The following PPP2R5A variants were observed in gnomAD, a reference collection of about 807,000 sequenced individuals.
PPP2R5A encodes the protein serine/threonine-protein phosphatase 2A 56 kDa regulatory subunit alpha isoform.
PPP2R5A carries 25 observed loss-of-function variants against 64.2 expected under a neutral mutation model. That is an observed-to-expected ratio of 0.39 (90% CI 0.28 to 0.54). The LOEUF is 0.54. PPP2R5A is among the 20% of genes least tolerant of loss of function. The pLI is 0.67. For missense variants in PPP2R5A, 425 were observed against 576.3 expected (o/e 0.74, Z 2.69); for synonymous variants, 198 against 201.2 (o/e 0.98, Z 0.13).
chr1:212,309,485 G>GAAGCTCCTGCCCCTTCTAAA, intron 1 of PPP2R5A: 1 of 797,616 alleles, frequency 1.3e-6, no homozygotes, highest in Non-Finnish European at 2.2e-6. Flanking sequence ...GCTTTAGAAG[G>GAAGCTCCTGCCCCTTCTAAA]GGCAGGAGCT....
At chr1:212,340,789 G>A (rs2102439863) in intron 3 of PPP2R5A, among the ~76,000 whole-genome samples, 1 of 152,314 alleles carries the variant, frequency 6.6e-6, no homozygotes, top group East Asian at 1.9e-4. Flanking sequence ...TTTGTTAGCT[G>A]TAGACTGTTA....
At chr1:212,334,826 T>G (rs897186857) in intron 3 of PPP2R5A, among the ~76,000 whole-genome samples, 2 of 152,214 alleles carry the variant, frequency 1.3e-5, no homozygotes, top group Admixed American at 1.3e-4. Context: ...GTTATCTCTT[T>G]AAGTTTTGTC....
chr1:212,306,484 CTATT>C (rs1658906414), intron 1 of PPP2R5A, among the ~76,000 whole-genome samples: 1 of 152,034 alleles, frequency 6.6e-6, no homozygotes, highest in Non-Finnish European at 1.5e-5. Flanking sequence ...ATATATATAT[CTATT>C]TAAGATATGA....
intron 3 of PPP2R5A, among the ~76,000 whole-genome samples, chr1:212,340,675 A>G (rs1367086413): frequency 6.6e-6 from 1 of 152,322 alleles, no homozygotes; most frequent in East Asian, 1.9e-4. Flanking sequence ...ATTTATGATA[A>G]ACACAAAATG....
intron 11 of PPP2R5A, 95 bp from the exon 12 acceptor site, chr1:212,358,591 A>G (rs1254858120): frequency 1.2e-6 from 1 of 848,332 alleles, no homozygotes; most frequent in Non-Finnish European, 1.8e-6. Context: ...ATTAAATGAA[A>G]TCAGCCAAGC....
intron 8 of PPP2R5A, among the ~76,000 whole-genome samples, chr1:212,350,741 A>T (rs1400629841): frequency 6.6e-6 from 1 of 152,172 alleles, no homozygotes; most frequent in Non-Finnish European, 1.5e-5. Context: ...ATAATAACAC[A>T]TATTGAAAAG....
At chr1:212,326,359 C>T (rs890889413) in intron 1 of PPP2R5A, among the ~76,000 whole-genome samples, 1 of 151,392 alleles carries the variant, frequency 6.6e-6, no homozygotes, top group African/African-American at 2.4e-5. Context: ...TTTGGGAGGC[C>T]GAGGCAGGCG....
chr1:212,317,901 G>A (rs985456163), intron 1 of PPP2R5A, among the ~76,000 whole-genome samples: 3 of 151,644 alleles, frequency 2.0e-5, no homozygotes, highest in East Asian at 1.9e-4. Flanking sequence ...CAGGAGAATC[G>A]CTTGAACCTG....
In PPP2R5A at chr1:212,333,482, A is replaced by AT; in HGVS notation, c.379-9dup. Reference sequence around the variant, plus strand: ...CACATACAACAACGAACGTAAAATTATTTTTTCTTTACAGATCAGTGCTAA... The same window carrying AT: ...CACATACAACAACGAACGTAAAATTATTTTTTTCTTTACAGATCAGTGCTAA... On this transcript the variant is annotated splice_polypyrimidine_tract_variant and intron_variant, in intron 2 of 12. Coordinates refer to ENST00000261461, the MANE Select transcript of PPP2R5A (RefSeq NM_006243.4). 1.4e-6 allele frequency: 2 copies of AT among 1,453,126 alleles called. No individual in the cohort carries two copies. The highest frequency in any genetic ancestry group is 1.3e-5 in the South Asian group (1 of 74,454). The allele number at this position is 1,453,126 out of a possible 1,614,324, so 90.0% of individuals were successfully genotyped here.
intron 1 of PPP2R5A, among the ~76,000 whole-genome samples, chr1:212,316,613 T>TTTTTTTTTTTTTTTTTG (rs1491340211): frequency 7.2e-6 from 1 of 138,850 alleles, no homozygotes; most frequent in African/African-American, 2.9e-5. Context: ...TTTTTTTTTT[T>TTTTTTTTTTTTTTTTTG]AATCTGAAAG....
chr1:212,292,644 C>G (rs1280815218), intron 1 of PPP2R5A, among the ~76,000 whole-genome samples: 1 of 152,178 alleles, frequency 6.6e-6, no homozygotes, highest in African/African-American at 2.4e-5. Flanking sequence ...ACAATTGTAA[C>G]TTACTGCAGC....
At chr1:212,315,292 A>G (rs1659124874) in intron 1 of PPP2R5A, among the ~76,000 whole-genome samples, 1 of 152,252 alleles carries the variant, frequency 6.6e-6, no homozygotes, top group South Asian at 2.1e-4. Context: ...GAATAGACTC[A>G]GACATTGAAA....
At chr1:212,309,154 G>T in intron 1 of PPP2R5A, 2 of 1,200,146 alleles carry the variant, frequency 1.7e-6, no homozygotes, top group Non-Finnish European at 1.2e-6. Context: ...GTTGACCTTG[G>T]CCACATTGGT....
chr1:212,322,755 T>TTTCA (rs147135497), intron 1 of PPP2R5A, among the ~76,000 whole-genome samples: 1 of 147,010 alleles, frequency 6.8e-6, no homozygotes, highest in Non-Finnish European at 1.5e-5. Context: ...TTAATTCTCA[T>TTTCA]TTTATTTATT....
chr1:212,314,379 T>G lies in PPP2R5A; in HGVS notation c.182-14756T>G, dbSNP rs79206599. On this transcript the variant is annotated intron_variant, in intron 1 of 12. Transcript: ENST00000261461. ...AAGAAATTGAGAAAGGTAGTTTTTTTTTGTTGTTGTTGTTTTTTTAAGATG... is the reference window on the plus strand; with the variant it reads ...AAGAAATTGAGAAAGGTAGTTTTTTGTTGTTGTTGTTGTTTTTTTAAGATG... Among the ~76,000 whole-genome samples, 107 of 152,122 alleles carry G rather than the reference T, an allele frequency of 7.0e-4. 1 individual carries two copies. The East Asian group carries it at 0.017, about 24-fold the overall frequency.
chr1:212,317,210 TTC>T (rs1435764717), intron 1 of PPP2R5A, among the ~76,000 whole-genome samples: 1 of 152,202 alleles, frequency 6.6e-6, no homozygotes, highest in Non-Finnish European at 1.5e-5. Context: ...TATTTTTCTG[TTC>T]TCTGTTATTG....
intron 11 of PPP2R5A, 38 bp from the exon 12 acceptor site, chr1:212,358,648 C>T (rs1169494417): frequency 2.8e-6 from 4 of 1,418,284 alleles, no homozygotes; most frequent in Non-Finnish European, 3.0e-6. Context: ...TCTCTGTTAG[C>T]AGTATCATAA....
At chr1:212,299,992 T>TA (rs1487447930) in intron 1 of PPP2R5A, among the ~76,000 whole-genome samples, 1 of 152,136 alleles carries the variant, frequency 6.6e-6, no homozygotes, top group Admixed American at 6.5e-5. Context: ...TTTGTATTTT[T>TA]AGTAGATAAC....
At chr1:212,314,049 TG>T (rs1372071902) in intron 1 of PPP2R5A, among the ~76,000 whole-genome samples, 1 of 152,248 alleles carries the variant, frequency 6.6e-6, no homozygotes, top group African/African-American at 2.4e-5. Flanking sequence ...ATTTCAAGAA[TG>T]TTTTATAATT....
Sources: gnomAD v4.1 joint callset for allele counts (sites outside exome capture counted in the v4.1 genomes callset) on GRCh38, gnomAD v4.1.1 for gene constraint, MANE v1.5 for transcripts, NCBI Gene and HGNC (gene_info 2026-07-23, HGNC 2026-07-21) for gene names.